Variants in MSRA observed in about 807,000 individuals in gnomAD.
MSRA encodes methionine sulfoxide reductase A, also known as mitochondrial peptide methionine sulfoxide reductase.
A neutral mutation model predicts 31.3 loss-of-function variants in MSRA; 54 were observed. The observed-to-expected ratio is 1.73, with a 90% confidence interval of 1.39 to 2.17. MSRA has a LOEUF of 2.17. MSRA is among the 30% of genes most tolerant of loss of function. MSRA has a pLI of 0.00. For synonymous variants in MSRA, 169 were observed against 116.5 expected (o/e 1.45, Z -2.90); for missense variants, 507 against 300.9 (o/e 1.69, Z -5.07).
chr8:10,116,754 G>T (rs1289884837), intron 1 of MSRA, among the ~76,000 whole-genome samples: 3 of 152,108 alleles, frequency 2.0e-5, no homozygotes, highest in Admixed American at 2.0e-4. Context: ...GATCACCTGA[G>T]GTTGGGAGTG....
At chr8:10,112,588 A>G (rs1479616670) in intron 1 of MSRA, among the ~76,000 whole-genome samples, 1 of 152,260 alleles carries the variant, frequency 6.6e-6, no homozygotes, top group Non-Finnish European at 1.5e-5. Flanking sequence ...TACATGGAAT[A>G]CTCATGAAAG....
In MSRA at chr8:10,337,425, A is replaced by C. The variant is rs181491777; in HGVS notation, c.543+17436A>C. On this transcript the variant is annotated intron_variant, in intron 5 of 5. Transcript: ENST00000317173. Reference sequence around the variant, plus strand: ...GGATCTCCTGACCTCGTGATCCACCAGCCTCGGCCTCCCAAAGTGCTGGGA... The same window carrying C: ...GGATCTCCTGACCTCGTGATCCACCCGCCTCGGCCTCCCAAAGTGCTGGGA... 329 of 329,354 alleles carry C rather than the reference A, an allele frequency of 1.0e-3. 3 individuals are homozygous for C. Among genetic ancestry groups the C allele is most frequent in the Admixed American group, 1.2e-3 (26 of 21,318 alleles). 20.4% of individuals were successfully genotyped at this position (329,354 alleles called of 1,614,324 possible).
chr8:10,072,672 A>T (rs1236554204), intron 1 of MSRA, among the ~76,000 whole-genome samples: 1 of 152,232 alleles, frequency 6.6e-6, no homozygotes, highest in Non-Finnish European at 1.5e-5. Flanking sequence ...TTTTGATAGG[A>T]ATTGCATTTA....
chr8:10,223,362 A>G (rs1296912643), intron 2 of MSRA, among the ~76,000 whole-genome samples: 1 of 152,236 alleles, frequency 6.6e-6, no homozygotes, highest in Non-Finnish European at 1.5e-5. Context: ...GAACATTGTA[A>G]TGTGATTTAG....
chr8:10,336,073 G>A (rs55656427), intron 5 of MSRA, among the ~76,000 whole-genome samples: 1 of 151,986 alleles, frequency 6.6e-6, no homozygotes, highest in Non-Finnish European at 1.5e-5. Flanking sequence ...GAGGAAGATC[G>A]CTCCTCCCTT....
At chr8:10,187,595 A>C (rs1807159840) in intron 1 of MSRA, among the ~76,000 whole-genome samples, 1 of 152,238 alleles carries the variant, frequency 6.6e-6, no homozygotes, top group South Asian at 2.1e-4. Flanking sequence ...TGAGAAATAA[A>C]TAGGTGGGCT....
chr8:10,214,129 C>G (rs1244091276), intron 2 of MSRA, among the ~76,000 whole-genome samples: 1 of 152,116 alleles, frequency 6.6e-6, no homozygotes, highest in Non-Finnish European at 1.5e-5. Flanking sequence ...GAGCAAAAGC[C>G]AAGCCGAGGA....
intron 1 of MSRA, among the ~76,000 whole-genome samples, chr8:10,181,879 C>T (rs143901002): frequency 6.6e-6 from 1 of 152,222 alleles, no homozygotes; most frequent in Non-Finnish European, 1.5e-5. Context: ...AGCCTTTATC[C>T]TGACCCCAAG....
chr8:10,151,263 A>C (rs1409013721), intron 1 of MSRA, among the ~76,000 whole-genome samples: 2 of 29,908 alleles, frequency 6.7e-5, no homozygotes, highest in Non-Finnish European at 1.1e-4. Context: ...GTCTGTCTCA[A>C]AAAAAAAAAA....
At chr8:10,127,215 G>A (rs1425618756) in intron 1 of MSRA, among the ~76,000 whole-genome samples, 1 of 151,880 alleles carries the variant, frequency 6.6e-6, no homozygotes, top group African/African-American at 2.4e-5. Context: ...TTTTTGCCAA[G>A]TGTTCCATTA....
At chr8:10,083,562 G>A (rs1413005765) in intron 1 of MSRA, among the ~76,000 whole-genome samples, 1 of 152,180 alleles carries the variant, frequency 6.6e-6, no homozygotes, top group African/African-American at 2.4e-5. Context: ...AACCTACAGT[G>A]TCTAATTTTT....
intron 1 of MSRA, among the ~76,000 whole-genome samples, chr8:10,063,949 G>C (rs1176878094): frequency 6.6e-6 from 1 of 152,298 alleles, no homozygotes; most frequent in African/African-American, 2.4e-5. Context: ...CTTCTCTGCC[G>C]CCCCTTGGGG....
chr8:10,354,744 G>T (rs1804404746), intron 5 of MSRA, among the ~76,000 whole-genome samples: 1 of 130,690 alleles, frequency 7.7e-6, no homozygotes, highest in Non-Finnish European at 1.6e-5. Flanking sequence ...ATGTGTGTGT[G>T]TGTGTGTATA....
intron 5 of MSRA, among the ~76,000 whole-genome samples, chr8:10,418,815 TAAAAAAAAAAAA>T (rs71203323): frequency 1.5e-5 from 1 of 66,036 alleles, no homozygotes; most frequent in Non-Finnish European, 2.5e-5. Flanking sequence ...TTACTACGAC[TAAAAAAAAAAAA>T]AAAAAAAAAA....
intron 1 of MSRA, among the ~76,000 whole-genome samples, chr8:10,113,289 CTT>C (rs1473498746): frequency 3.9e-5 from 2 of 50,906 alleles, no homozygotes; most frequent in Admixed American, 2.9e-4. Context: ...GAAGACAGGT[CTT>C]CTTTTTTTTT....
At chr8:10,348,055 T>C (rs1803894836) in intron 5 of MSRA, among the ~76,000 whole-genome samples, 1 of 152,220 alleles carries the variant, frequency 6.6e-6, no homozygotes, top group Non-Finnish European at 1.5e-5. Context: ...CAGCTGGTCA[T>C]TGCATCTAGA....
At chr8:10,095,576 G>C (rs1799095646) in intron 1 of MSRA, 1 of 986,094 alleles carries the variant, frequency 1.0e-6, no homozygotes, top group Non-Finnish European at 1.2e-6. Flanking sequence ...AAGAGGGAGA[G>C]AGAGAGGCAG....
chr8:10,108,336 C>T (rs1800035644), intron 1 of MSRA, among the ~76,000 whole-genome samples: 1 of 152,032 alleles, frequency 6.6e-6, no homozygotes, highest in South Asian at 2.1e-4. Context: ...TTTGTTGAGC[C>T]CTCATTAGGT....
At chr8:10,293,614 G>C (rs1800367899) in intron 3 of MSRA, among the ~76,000 whole-genome samples, 1 of 152,172 alleles carries the variant, frequency 6.6e-6, no homozygotes, top group Non-Finnish European at 1.5e-5. Flanking sequence ...GAATCATCTG[G>C]ACAGCGAAGA....
Sources: gnomAD v4.1 joint callset for allele counts (sites outside exome capture counted in the v4.1 genomes callset) on GRCh38, gnomAD v4.1.1 for gene constraint, MANE v1.5 for transcripts, NCBI Gene and HGNC (gene_info 2026-07-23, HGNC 2026-07-21) for gene names.